GABRA3: variants seen among roughly 807,000 people sequenced by gnomAD.
GABRA3 encodes the protein gamma-aminobutyric acid type A receptor subunit alpha3, also known as gamma-aminobutyric acid receptor subunit alpha-3.
In GABRA3, 10 loss-of-function variants were observed where a neutral mutation model predicts 30.1. That is an observed-to-expected ratio of 0.33 (90% CI 0.20 to 0.56). The LOEUF is 0.56. Ranked by LOEUF, GABRA3 falls within the 20% of genes least tolerant of loss-of-function variation. The pLI is 0.89. For missense variants in GABRA3, 233 were observed against 392.0 expected (o/e 0.59, Z 3.42); for synonymous variants, 151 against 146.8 (o/e 1.03, Z -0.21).
At chrX:152,373,063 C>T (rs771334558) in intron 1 of GABRA3, among the ~76,000 whole-genome samples, 3 of 112,029 alleles carry the variant, frequency 2.7e-5, no homozygotes, top group South Asian at 7.5e-4. Context: ...AGCCTCCCGA[C>T]ACTGATTCGG....
At chrX:152,238,476 C>A (rs1396051933) in intron 5 of GABRA3, among the ~76,000 whole-genome samples, 1 of 106,369 alleles carries the variant, frequency 9.4e-6, no homozygotes, top group Non-Finnish European at 1.9e-5. Flanking sequence ...TGTCTCTGCC[C>A]GGCTTTGGTA....
At chrX:152,291,776 G>T (rs1464112509) in intron 3 of GABRA3, among the ~76,000 whole-genome samples, 1 of 111,667 alleles carries the variant, frequency 9.0e-6, no homozygotes. Context: ...TAATCATGTG[G>T]TTTTCGTCTT....
intron 5 of GABRA3, among the ~76,000 whole-genome samples, chrX:152,234,914 A>T (rs1429278901): frequency 9.0e-6 from 1 of 111,501 alleles, no homozygotes; most frequent in Non-Finnish European, 1.9e-5. Context: ...TGATGCCTCC[A>T]GCTTTGTTCT....
intron 1 of GABRA3, among the ~76,000 whole-genome samples, chrX:152,377,822 A>T (rs1165699910): frequency 9.0e-6 from 1 of 111,603 alleles, no homozygotes; most frequent in African/African-American, 3.3e-5. Flanking sequence ...ATACACACAA[A>T]CACATGCTAC....
intron 3 of GABRA3, among the ~76,000 whole-genome samples, chrX:152,308,031 C>T (rs905537676): frequency 8.9e-6 from 1 of 112,643 alleles, no homozygotes; most frequent in Non-Finnish European, 1.9e-5. Context: ...TTGACTGTCC[C>T]ACCTGGATGG....
intron 5 of GABRA3, among the ~76,000 whole-genome samples, chrX:152,245,936 T>A (rs7058841): frequency 2.7e-5 from 3 of 111,838 alleles, no homozygotes; most frequent in Non-Finnish European, 3.8e-5. Context: ...TGTAATCCCA[T>A]CCCTGGTATG....
intron 1 of GABRA3, among the ~76,000 whole-genome samples, chrX:152,434,510 C>A (rs891261390): frequency 4.5e-5 from 5 of 111,203 alleles, no homozygotes; most frequent in African/African-American, 1.6e-4. Context: ...AGCTGTTTCA[C>A]AAAAGACGGA....
At chrX:152,230,944 G>A (rs1022019006) in intron 5 of GABRA3, among the ~76,000 whole-genome samples, 21 of 110,006 alleles carry the variant, frequency 1.9e-4, no homozygotes, top group Non-Finnish European at 3.0e-4. Flanking sequence ...AAAAAAATAT[G>A]ATAAATTAGA....
intron 9 of GABRA3, among the ~76,000 whole-genome samples, chrX:152,179,845 T>G (rs1188588227): frequency 9.0e-6 from 1 of 111,507 alleles, no homozygotes; most frequent in Admixed American, 9.6e-5. Flanking sequence ...CTTATTTCAT[T>G]TATAGTAATG....
At chrX:152,420,022 A>G (rs1930334570) in intron 1 of GABRA3, among the ~76,000 whole-genome samples, 1 of 112,175 alleles carries the variant, frequency 8.9e-6, no homozygotes, top group Non-Finnish European at 1.9e-5. Flanking sequence ...AAGGAGAAAA[A>G]TATATGATCA....
intron 3 of GABRA3, among the ~76,000 whole-genome samples, chrX:152,327,205 G>A (rs1032740714): frequency 9.1e-6 from 1 of 109,360 alleles, no homozygotes; most frequent in Non-Finnish European, 1.9e-5. Flanking sequence ...CACAAAGCAA[G>A]CCCTTAGAGA....
chrX:152,436,753 G>T (rs1405006720), intron 1 of GABRA3, among the ~76,000 whole-genome samples: 1 of 111,111 alleles, frequency 9.0e-6, no homozygotes, highest in Non-Finnish European at 1.9e-5. Context: ...ATGCACCAAA[G>T]ACATAAATCA....
At chrX:152,223,862 T>TAC (rs1422653226) in intron 6 of GABRA3, among the ~76,000 whole-genome samples, 3 of 110,767 alleles carry the variant, frequency 2.7e-5, no homozygotes, top group African/African-American at 9.8e-5. Context: ...CCTTATGCTT[T>TAC]ACCCTTTAAT....
chrX:152,408,462 A>G (rs1247673211), intron 1 of GABRA3, among the ~76,000 whole-genome samples: 1 of 111,782 alleles, frequency 8.9e-6, no homozygotes, highest in Non-Finnish European at 1.9e-5. Context: ...CAAAGAAAGT[A>G]TTCCCATTTA....
At chrX:152,224,711 T>G in intron 6 of GABRA3, 52 bp downstream of exon 6, 3 of 896,868 alleles carry the variant, frequency 3.3e-6, no homozygotes, top group Non-Finnish European at 3.2e-6. Context: ...TAAGTTTCTT[T>G]TGGAAGATCA....
chrX:152,318,062 C>T (rs1245053730), intron 3 of GABRA3, among the ~76,000 whole-genome samples: 5 of 109,786 alleles, frequency 4.6e-5, no homozygotes, highest in Non-Finnish European at 9.4e-5. Context: ...ATTGATAGAT[C>T]ATTAGCAAGA....
At chrX:152,286,601 C>T (rs895158947) in intron 3 of GABRA3, among the ~76,000 whole-genome samples, 7 of 111,392 alleles carry the variant, frequency 6.3e-5, no homozygotes, top group Admixed American at 2.9e-4. Context: ...ATTAGCTGTA[C>T]TCATCCAGAC....
intron 3 of GABRA3, among the ~76,000 whole-genome samples, chrX:152,285,187 C>T (rs1939270333): frequency 8.9e-6 from 1 of 111,887 alleles, no homozygotes; most frequent in African/African-American, 3.2e-5. Context: ...TCTCTCATGG[C>T]TGGAACAATT....
At chrX:152,193,816 GTGA>G (rs965207119) in intron 8 of GABRA3, among the ~76,000 whole-genome samples, 6 of 111,078 alleles carry the variant, frequency 5.4e-5, no homozygotes, top group African/African-American at 2.0e-4. Flanking sequence ...GGCCAACATG[GTGA>G]AACCCCATCT....
Sources: gnomAD v4.1 joint callset for allele counts (sites outside exome capture counted in the v4.1 genomes callset) on GRCh38, gnomAD v4.1.1 for gene constraint, MANE v1.5 for transcripts, NCBI Gene and HGNC (gene_info 2026-07-23, HGNC 2026-07-21) for gene names.